ZC3H3: variants seen among roughly 807,000 people sequenced by gnomAD.
The protein encoded by ZC3H3 is zinc finger CCCH-type containing 3, also known as zinc finger CCCH domain-containing protein 3.
ZC3H3 carries 36 observed loss-of-function variants against 77.3 expected under a neutral mutation model. The observed-to-expected ratio is 0.47, with a 90% CI of 0.36 to 0.61. The LOEUF is 0.61. Ranked by LOEUF, ZC3H3 falls within the 20% of genes least tolerant of loss-of-function variation. The pLI is 0.00. For missense variants in ZC3H3, 1,331 were observed against 1,312.2 expected, an observed-to-expected ratio of 1.01 and a Z score of -0.22; for synonymous variants, 626 against 555.2, an observed-to-expected ratio of 1.13 and a Z score of -1.79.
chr8:143,525,356 G>C (rs1049573854), intron 3 of ZC3H3, among the ~76,000 whole-genome samples: 1 of 152,246 alleles, frequency 6.6e-6, no homozygotes, highest in Non-Finnish European at 1.5e-5. Flanking sequence ...GTGCAGGCAC[G>C]GGCGTGGGCG....
intron 9 of ZC3H3, among the ~76,000 whole-genome samples, chr8:143,459,942 T>C (rs1040904624): frequency 1.3e-5 from 2 of 152,068 alleles, no homozygotes; most frequent in Non-Finnish European, 2.9e-5. Context: ...TAATTCAATA[T>C]AGTATTAAAA....
chr8:143,454,442 C>T (rs1820062697), intron 9 of ZC3H3, among the ~76,000 whole-genome samples: 1 of 150,336 alleles, frequency 6.7e-6, no homozygotes, highest in South Asian at 2.1e-4. Flanking sequence ...TCACTGTCAC[C>T]CAGGCTGGAG....
At position 143,524,973 on chromosome 8, in the gene ZC3H3, T is replaced by C. The variant is rs34933016; in HGVS notation, c.1561+11284A>G. On this transcript the variant is annotated intron_variant, in intron 3 of 11. Coordinates refer to ENST00000262577, the MANE Select transcript of ZC3H3 (RefSeq NM_015117.3). The stretch of plus-strand genomic sequence containing the variant: ...GATCTCCGAGACCAGGGCTCTGTAA[T>C]ACACACTCGAGCAAACCAACAGCTA... Among the ~76,000 whole-genome samples, 1,286 of 152,366 alleles carry C rather than the reference T, an allele frequency of 8.4e-3. 9 individuals are homozygous for C. The highest frequency in any genetic ancestry group is 0.029 in the African/African-American group (1,215 of 41,580).
At chr8:143,510,347 A>C (rs2130429902) in intron 3 of ZC3H3, among the ~76,000 whole-genome samples, 1 of 152,230 alleles carries the variant, frequency 6.6e-6, no homozygotes, top group Non-Finnish European at 1.5e-5. Context: ...ACCCACCCCC[A>C]CAGCAGGGTC....
chr8:143,524,975 C>G (rs7834306), intron 3 of ZC3H3, among the ~76,000 whole-genome samples: 78,967 of 152,076 alleles, frequency 0.52, 20,750 homozygotes, highest in East Asian at 0.68. Flanking sequence ...CTCTGTAATA[C>G]ACACTCGAGC....
At chr8:143,445,442 C>CAGGGCGGG (rs1819842560) in intron 9 of ZC3H3, among the ~76,000 whole-genome samples, 1 of 50,630 alleles carries the variant, frequency 2.0e-5, no homozygotes, top group Non-Finnish European at 3.6e-5. Context: ...GGTAGGAGGC[C>CAGGGCGGG]AGGGCGGGAG....
rs752460018 is a variant in ZC3H3, at chr8:143,507,778, G to A, written c.1683C>T (p.Pro561=). ...LSAPPFPLSL[P]SWRARRLSLS... is the part of the protein sequence containing the mutation. ...GTGAGAGCCGCCGGGCCCGCCAGGA[G>A]GGCAGAGACAGGGGGAAGGGCGGGG... Residue 561 remains proline, a synonymous_variant, in exon 4 of 12, where the codon CCC becomes CCT. Coordinates refer to ENST00000262577, the MANE Select transcript of ZC3H3 (RefSeq NM_015117.3). 5 of 1,597,806 alleles carry A rather than the reference G, an allele frequency of 3.1e-6. No homozygotes were observed. The African/African-American group carries it at 6.7e-5, about 21-fold the overall frequency.
chr8:143,478,229 C>T (rs539457863), intron 4 of ZC3H3, among the ~76,000 whole-genome samples: 36 of 152,334 alleles, frequency 2.4e-4, no homozygotes, highest in African/African-American at 8.2e-4. Context: ...CTGACTGAGG[C>T]TCACATGGGG....
Position 143,437,979 on chromosome 8 carries a change from G to A in ZC3H3, c.*77C>T. ...TTGGTGGCGGGCGGCCCTCCTGTGG[G>A]GTAGAGTGGTGGACAGAGCCTCTTT... On this transcript the variant is annotated 3_prime_UTR_variant, in exon 12 of 12. Transcript: ENST00000262577. The A allele has an allele frequency of 6.4e-7, 1 of 1,560,000 alleles. No homozygotes were observed. The highest frequency in any genetic ancestry group is 8.7e-7 in the Non-Finnish European group (1 of 1,150,184).
intron 4 of ZC3H3, among the ~76,000 whole-genome samples, chr8:143,480,812 G>A (rs999676283): frequency 2.0e-5 from 3 of 152,214 alleles, no homozygotes; most frequent in Non-Finnish European, 4.4e-5. Context: ...GGTAGTCAGC[G>A]TGACTGGCAC....
At chr8:143,513,043 C>A (rs954915664) in intron 3 of ZC3H3, among the ~76,000 whole-genome samples, 1 of 151,924 alleles carries the variant, frequency 6.6e-6, no homozygotes, top group African/African-American at 2.4e-5. Flanking sequence ...GCAGGGGGTG[C>A]CCAGGCGCTG....
chr8:143,520,532 G>A (rs1246123039), intron 3 of ZC3H3, among the ~76,000 whole-genome samples: 6 of 152,318 alleles, frequency 3.9e-5, no homozygotes, highest in South Asian at 4.1e-4. Context: ...GAGATGTACC[G>A]CAGGGTGCTG....
At chr8:143,476,774 C>T (rs934838052) in intron 4 of ZC3H3, among the ~76,000 whole-genome samples, 6 of 152,226 alleles carry the variant, frequency 3.9e-5, no homozygotes, top group African/African-American at 1.4e-4. Context: ...CAGGGCTGTG[C>T]CCCTGCTCTA....
chr8:143,502,873 C>T (rs1821567603), intron 4 of ZC3H3, among the ~76,000 whole-genome samples: 1 of 152,234 alleles, frequency 6.6e-6, no homozygotes, highest in African/African-American at 2.4e-5. Flanking sequence ...TCCAGGCCCT[C>T]TGGGACAGGC....
intron 11 of ZC3H3, among the ~76,000 whole-genome samples, chr8:143,439,425 C>CT (rs1388161192): frequency 9.2e-5 from 14 of 152,212 alleles, no homozygotes; most frequent in Non-Finnish European, 1.8e-4. Context: ...GGTTTATCGT[C>CT]ACTCAAACGC....
At chr8:143,478,925 G>C (rs550349522) in intron 4 of ZC3H3, among the ~76,000 whole-genome samples, 1 of 152,352 alleles carries the variant, frequency 6.6e-6, no homozygotes, top group African/African-American at 2.4e-5. Context: ...AGAGGATCTG[G>C]GCGGAATGGA....
At chr8:143,540,038 C>T (rs111578954) in intron 1 of ZC3H3, among the ~76,000 whole-genome samples, 2 of 152,202 alleles carry the variant, frequency 1.3e-5, no homozygotes, top group Admixed American at 1.3e-4. Flanking sequence ...GCCCTGCCCC[C>T]GGGGGCACAG....
At position 143,440,266 on chromosome 8, in the gene ZC3H3, AC is replaced by A; in HGVS notation, c.2589del (p.Ser864GlnfsTer35). 1 of 1,585,916 alleles carries A rather than the reference AC, an allele frequency of 6.3e-7. No individual in the cohort carries two copies. Among genetic ancestry groups the A allele is most frequent in the Non-Finnish European group, 8.6e-7 (1 of 1,167,316 alleles). ...GCCTTCGAGGATGAGGGAGAGGCTG[AC>A]CCCCCTGGGCAGTGGGGAGGTGCAG... ...AVAAPPHCPG[G>X]SASPSSSKAS... On this transcript the variant is annotated frameshift_variant, in exon 11 of 12. Transcript: ENST00000262577. LOFTEE classifies it high-confidence loss of function.
chr8:143,531,555 C>G (rs1271848949), intron 3 of ZC3H3, among the ~76,000 whole-genome samples: 2 of 152,196 alleles, frequency 1.3e-5, no homozygotes, highest in African/African-American at 4.8e-5. Context: ...TCAATTAAAG[C>G]GATTATCTGT....
Sources: allele counts gnomAD v4.1 joint callset (sites outside exome capture counted in the v4.1 genomes callset), GRCh38; gene constraint gnomAD v4.1.1; transcripts MANE v1.5; gene names NCBI Gene and HGNC (gene_info 2026-07-23, HGNC 2026-07-21).